The following CRACR2A variants were observed in gnomAD, a reference collection of about 807,000 sequenced individuals.
The protein encoded by CRACR2A is EF-hand calcium-binding domain-containing protein 4B.
In CRACR2A, 79 loss-of-function variants were observed where a neutral mutation model predicts 90.5. That is an observed-to-expected ratio of 0.87 (90% CI 0.73 to 1.05). The LOEUF is 1.05. CRACR2A is among the 50% of genes least tolerant of loss of function. The pLI is 0.00. For missense variants in CRACR2A, 823 were observed against 897.2 expected (o/e 0.92, Z 1.06); for synonymous variants, 338 against 356.7 (o/e 0.95, Z 0.59).
chr12:3,669,508 C>T lies in CRACR2A; in HGVS notation c.671+3938G>A, dbSNP rs61907232. Among the ~76,000 whole-genome samples the T allele has an allele frequency of 7.1e-3, 1,046 of 146,854 alleles. 5 individuals are homozygous for T. Among genetic ancestry groups the T allele is most frequent in the Non-Finnish European group, 0.011 (750 of 65,294 alleles). On this transcript the variant is annotated intron_variant, in intron 7 of 19. Coordinates refer to ENST00000440314, the MANE Select transcript of CRACR2A (RefSeq NM_001144958.2). Reference sequence around the variant, plus strand: ...GAGAAGTAGAGGCCCACAAGGGGCTCAAATCCGAAATTTCTTCAACCTCTG... The same window carrying T: ...GAGAAGTAGAGGCCCACAAGGGGCTTAAATCCGAAATTTCTTCAACCTCTG...
intron 1 of CRACR2A, among the ~76,000 whole-genome samples, chr12:3,735,226 A>T (rs1307093999): frequency 1.3e-5 from 2 of 152,216 alleles, no homozygotes; most frequent in Non-Finnish European, 2.9e-5. Flanking sequence ...CTGGAAGAAA[A>T]TGAAGCCCTG....
Position 3,746,369 on chromosome 12 carries a change from C to G in CRACR2A, c.-387+6646G>C, listed in dbSNP as rs775485333. On this transcript the variant is annotated intron_variant, in intron 1 of 19. Transcript: ENST00000440314. This position sits in a 1 kb window ranked among gnomAD's most constrained non-coding sequence, Gnocchi z 4.4. ...ACCAGAGAGCTCTCTCTCTCTCTCT[C>G]TCTCCCCATCTCTCTCTCCTCCCTC... 2.6e-5 allele frequency among the ~76,000 whole-genome samples: 4 copies of G among 151,762 alleles called. No homozygotes were observed. Among genetic ancestry groups the G allele is most frequent in the Non-Finnish European group, 5.9e-5 (4 of 67,932 alleles).
At chr12:3,730,651 C>T (rs745658842) in intron 2 of CRACR2A, 4 of 152,084 alleles carry the variant, frequency 2.6e-5, no homozygotes, top group African/African-American at 4.8e-5. Context: ...TCTCCACATA[C>T]TGAGAGGGAA....
chr12:3,620,717 A>G (rs4765746), intron 17 of CRACR2A, among the ~76,000 whole-genome samples: 103,300 of 152,148 alleles, frequency 0.68, 35,590 homozygotes, highest in African/African-American at 0.8. Flanking sequence ...GCTACTTAGT[A>G]TCTTATTAAC....
At chr12:3,666,560 A>G (rs908960058) in intron 7 of CRACR2A, among the ~76,000 whole-genome samples, 1 of 152,234 alleles carries the variant, frequency 6.6e-6, no homozygotes, top group African/African-American at 2.4e-5. Context: ...GGTGAGATGT[A>G]GTTAGCGTTA....
chr12:3,727,208 GAGA>G (rs1946284436), intron 2 of CRACR2A: 2 of 151,424 alleles, frequency 1.3e-5, no homozygotes, highest in Non-Finnish European at 2.9e-5. Context: ...TATGGGCGGT[GAGA>G]AGAAGAGGAT....
rs1428507289 is a variant in CRACR2A at position 3,748,230 on chromosome 12, C to A, written c.-387+4785G>T. ...CAGCTCTATTGTGTGAATAAGGGAT[C>A]TTCAGCACAGATGGGGTGGGGACAG... On this transcript the variant is annotated intron_variant, in intron 1 of 19. Coordinates refer to ENST00000440314, the MANE Select transcript of CRACR2A (RefSeq NM_001144958.2). Among the ~76,000 whole-genome samples the A allele has an allele frequency of 2.0e-5, 3 of 152,294 alleles. No individual in the cohort carries two copies. The East Asian group carries it at 5.8e-4, about 29-fold the overall frequency.
intron 8 of CRACR2A, 48 bp downstream of exon 8, chr12:3,659,516 G>A: frequency 6.5e-7 from 1 of 1,546,696 alleles, no homozygotes; most frequent in African/African-American, 1.4e-5. Context: ...AGACAGAGCA[G>A]ATATGTCAAG....
chr12:3,745,799 A>ATAAAG, intron 1 of CRACR2A, among the ~76,000 whole-genome samples: 1 of 4,786 alleles, frequency 2.1e-4, no homozygotes, highest in South Asian at 0.014. Context: ...ATAAAATAAA[A>ATAAAG]TAAAATAAAA....
Position 3,659,549 on chromosome 12 carries a change from G to A in CRACR2A, c.762+15C>T, listed in dbSNP as rs767515843. On this transcript the variant is annotated intron_variant, in intron 8 of 19. Coordinates refer to ENST00000440314, the MANE Select transcript of CRACR2A (RefSeq NM_001144958.2). ...AAGCTGGCCTCAGAGCCAAGCCTGGGGAGCGTACACTTACCTTCAGGAGAA... is the reference window on the plus strand; with the variant it reads ...AAGCTGGCCTCAGAGCCAAGCCTGGAGAGCGTACACTTACCTTCAGGAGAA... The A allele has an allele frequency of 6.2e-7, 1 of 1,612,798 alleles. No individual in the cohort carries two copies. The highest frequency in any genetic ancestry group is 1.3e-5 in the African/African-American group (1 of 74,870).
intron 17 of CRACR2A, among the ~76,000 whole-genome samples, chr12:3,621,622 G>C (rs1292741136): frequency 1.2e-5 from 1 of 83,242 alleles, no homozygotes; most frequent in Non-Finnish European, 2.1e-5. Flanking sequence ...CTGCACTCCA[G>C]CCTCAGTGAC....
Position 3,677,329 on chromosome 12 carries a change from A to T in CRACR2A, c.524+1586T>A, listed in dbSNP as rs73049112. ...GCAATCTAAGCCCACTTCAGTGAGG[A>T]TGGAAGTGGCTGGTCACCATCTTCT... On this transcript the variant is annotated intron_variant, in intron 6 of 19. Coordinates refer to ENST00000440314, the MANE Select transcript of CRACR2A (RefSeq NM_001144958.2). 8.8e-3 allele frequency among the ~76,000 whole-genome samples: 1,342 copies of T among 152,344 alleles called. 11 individuals are homozygous for T. Among genetic ancestry groups the T allele is most frequent in the Middle Eastern group, 0.017 (5 of 294 alleles).
chr12:3,746,774 T>C lies in CRACR2A; in HGVS notation c.-387+6241A>G, dbSNP rs1214776123. 6.6e-6 allele frequency among the ~76,000 whole-genome samples: 1 copy of C among 152,074 alleles called. No individual in the cohort carries two copies. Among genetic ancestry groups the C allele is most frequent in the Non-Finnish European group, 1.5e-5 (1 of 67,992 alleles). On this transcript the variant is annotated intron_variant, in intron 1 of 19. Transcript: ENST00000440314. The surrounding 1 kb of genome is among the most constrained non-coding windows in gnomAD (Gnocchi z 4.4). ...GCTTCTGCCTCCTGGAGAATTTCAA[T>C]CCAAGACAAGCACAACAAGTTGTGA... is the stretch of plus-strand genomic sequence containing the variant.
At chr12:3,639,531 T>C (rs1254394852) in intron 13 of CRACR2A, among the ~76,000 whole-genome samples, 1 of 138,278 alleles carries the variant, frequency 7.2e-6, no homozygotes, top group Non-Finnish European at 1.6e-5. Flanking sequence ...GATGAAGCAG[T>C]GGGGTGATAG....
Position 3,638,333 on chromosome 12 carries a change from G to A in CRACR2A, c.1393C>T (p.Pro465Ser). The change falls in exon 14 of 20, where the codon CCC becomes TCC. Residue 465 changes from proline (P) to serine (S), a missense_variant. Physicochemically the swap from Pro to Ser is moderately conservative, Grantham distance 74. Transcript: ENST00000440314. ...TGEPGPGGPY[P>S]RPLRRIISVE... ...GAGATGATTCTGCGGAGCGGCCGGG[G>A]GTACGGACCCCCAGGCCCTGGCTCC... is the stretch of plus-strand genomic sequence containing the variant. 5.8e-6 allele frequency: 9 copies of A among 1,551,194 alleles called. No individual in the cohort carries two copies. Among genetic ancestry groups the A allele is most frequent in the Non-Finnish European group, 7.8e-6 (9 of 1,146,606 alleles).
intron 2 of CRACR2A, chr12:3,728,061 A>C (rs796355132): frequency 2.1e-4 from 32 of 152,318 alleles, no homozygotes; most frequent in African/African-American, 7.2e-4. Flanking sequence ...AGCTGCCAGC[A>C]CAGAGCAGCA....
intron 10 of CRACR2A, among the ~76,000 whole-genome samples, chr12:3,652,691 G>A (rs1944815430): frequency 1.3e-5 from 2 of 152,082 alleles, no homozygotes; most frequent in Non-Finnish European, 2.9e-5. Flanking sequence ...AACAAGTTCC[G>A]GTAAGTAGCA....
chr12:3,634,808 C>A (rs547785770), intron 14 of CRACR2A, among the ~76,000 whole-genome samples: 1 of 151,956 alleles, frequency 6.6e-6, no homozygotes, highest in Non-Finnish European at 1.5e-5. Context: ...CAATTCCATG[C>A]AGTATTTAGG....
At chr12:3,741,781 T>C (rs1012029771) in intron 1 of CRACR2A, among the ~76,000 whole-genome samples, 13 of 152,204 alleles carry the variant, frequency 8.5e-5, no homozygotes, top group African/African-American at 3.1e-4. Context: ...GGCATTTGCA[T>C]TCAGAATGGG....
Sources: gnomAD v4.1 joint callset for allele counts (sites outside exome capture counted in the v4.1 genomes callset) on GRCh38, gnomAD v4.1.1 for gene constraint, Gnocchi (gnomAD v3.1) non-coding constraint, MANE v1.5 for transcripts, NCBI Gene and HGNC (gene_info 2026-07-23, HGNC 2026-07-21) for gene names.